The following KCNMA1 variants were observed in gnomAD, a reference collection of about 807,000 sequenced individuals.
KCNMA1 encodes the protein Calcium-activated potassium channel subunit alpha-1.
Under a neutral mutation model 140.0 loss-of-function variants are expected in KCNMA1, and 29 were observed. The ratio of observed to expected loss-of-function variants is 0.21; its 90% CI spans 0.15 to 0.28. The LOEUF is 0.28. KCNMA1 is among the 10% of genes least tolerant of loss of function. KCNMA1 has a pLI of 1.00. For synonymous variants in KCNMA1, 612 were observed against 611.9 expected (o/e 1.00, Z 0.00); for missense variants, 880 against 1,602.2 (o/e 0.55, Z 7.70).
At chr10:77,347,302 AT>A (rs1348717350) in intron 2 of KCNMA1, among the ~76,000 whole-genome samples, 2 of 152,232 alleles carry the variant, frequency 1.3e-5, no homozygotes, top group East Asian at 3.8e-4. Flanking sequence ...GGGTGTTACC[AT>A]CCCTATGTTA....
chr10:77,549,703 G>A (rs1009690908), intron 1 of KCNMA1, among the ~76,000 whole-genome samples: 5 of 152,130 alleles, frequency 3.3e-5, no homozygotes, highest in African/African-American at 4.8e-5. Flanking sequence ...TTTCAGTAAC[G>A]TCCTGTCTAA....
rs560026255 is a variant in KCNMA1 at position 76,992,050 on chromosome 10, T to C, written c.2266+9357A>G. On this transcript the variant is annotated intron_variant, in intron 19 of 27. Transcript: ENST00000286628. ...CAAAAGATTCCATTTTCTATTTGCA[T>C]AGGGTTTTCTCTGCAGCTCTAGGAA... is the stretch of plus-strand genomic sequence containing the variant. Among the ~76,000 whole-genome samples, 10 of 152,324 alleles carry C rather than the reference T, an allele frequency of 6.6e-5. No homozygotes were observed. The South Asian group carries it at 1.0e-3, about 16-fold the overall frequency.
chr10:77,410,648 C>T (rs946156582), intron 1 of KCNMA1, among the ~76,000 whole-genome samples: 18 of 152,244 alleles, frequency 1.2e-4, no homozygotes, highest in Non-Finnish European at 2.5e-4. Context: ...CAAGTGAAGT[C>T]TTCACACCCA....
chr10:77,450,520 C>T (rs1020286348), intron 1 of KCNMA1, among the ~76,000 whole-genome samples: 34 of 152,224 alleles, frequency 2.2e-4, no homozygotes, highest in South Asian at 1.0e-3. Context: ...TGCAGAATTA[C>T]AGACATTGCT....
chr10:77,199,159 A>C (rs1387447533), intron 3 of KCNMA1, among the ~76,000 whole-genome samples: 1 of 152,212 alleles, frequency 6.6e-6, no homozygotes. Context: ...TTATAGATTA[A>C]AAACTCAGAG....
intron 2 of KCNMA1, among the ~76,000 whole-genome samples, chr10:77,399,770 C>T (rs963763085): frequency 1.3e-5 from 2 of 152,194 alleles, no homozygotes; most frequent in African/African-American, 4.8e-5. Context: ...ATAATTCACA[C>T]CTGGATCTCT....
intron 19 of KCNMA1, among the ~76,000 whole-genome samples, chr10:76,996,642 G>A (rs1018635746): frequency 1.3e-5 from 2 of 152,096 alleles, no homozygotes; most frequent in East Asian, 1.9e-4. Flanking sequence ...ACATCAGCAC[G>A]GCAAGCATGG....
intron 23 of KCNMA1, among the ~76,000 whole-genome samples, chr10:76,923,372 T>TG (rs775079215): frequency 2.6e-4 from 39 of 148,090 alleles, no homozygotes; most frequent in Non-Finnish European, 4.1e-4. Flanking sequence ...GAGCTTGCAG[T>TG]GAGCTGAGAT....
intron 1 of KCNMA1, among the ~76,000 whole-genome samples, chr10:77,425,724 T>C (rs1205113177): frequency 2.0e-5 from 3 of 152,164 alleles, no homozygotes; most frequent in East Asian, 1.9e-4. Flanking sequence ...AGAGTCCTAA[T>C]GATTCTGGTA....
At chr10:76,976,857 G>A (rs2077721911) in intron 19 of KCNMA1, among the ~76,000 whole-genome samples, 1 of 152,148 alleles carries the variant, frequency 6.6e-6, no homozygotes, top group African/African-American at 2.4e-5. Flanking sequence ...TAGTTTCTTA[G>A]AGATGAGACA....
intron 1 of KCNMA1, among the ~76,000 whole-genome samples, chr10:77,497,785 G>T (rs939533348): frequency 6.6e-6 from 1 of 152,174 alleles, no homozygotes; most frequent in Non-Finnish European, 1.5e-5. Context: ...GGGGAATAAG[G>T]GAGAAAGTGG....
At chr10:77,516,504 C>T (rs887115054) in intron 1 of KCNMA1, among the ~76,000 whole-genome samples, 1 of 152,148 alleles carries the variant, frequency 6.6e-6, no homozygotes, top group Non-Finnish European at 1.5e-5. Flanking sequence ...GCAGTATGCC[C>T]GGTGCAGAGG....
chr10:77,444,754 C>G (rs977081599), intron 1 of KCNMA1, among the ~76,000 whole-genome samples: 1 of 152,156 alleles, frequency 6.6e-6, no homozygotes. Flanking sequence ...AGTGAACCTG[C>G]TGAGTCCCAG....
At chr10:76,966,823 T>C (rs1040025329) in intron 20 of KCNMA1, among the ~76,000 whole-genome samples, 2 of 152,190 alleles carry the variant, frequency 1.3e-5, no homozygotes, top group Non-Finnish European at 2.9e-5. Context: ...TCATTACACG[T>C]GTGTCCTCAG....
chr10:77,386,643 G>C (rs533926099), intron 2 of KCNMA1, among the ~76,000 whole-genome samples: 5 of 152,282 alleles, frequency 3.3e-5, no homozygotes, highest in Admixed American at 6.5e-5. Flanking sequence ...AGTTTTCCTT[G>C]TTATTTATCT....
At chr10:77,414,787 G>A (rs891507058) in intron 1 of KCNMA1, among the ~76,000 whole-genome samples, 3 of 152,182 alleles carry the variant, frequency 2.0e-5, no homozygotes, top group African/African-American at 7.2e-5. Flanking sequence ...ACCACGCCTG[G>A]CTGCAAGGTA....
intron 2 of KCNMA1, among the ~76,000 whole-genome samples, chr10:77,381,226 T>A (rs1441147828): frequency 6.6e-6 from 1 of 152,122 alleles, no homozygotes; most frequent in Non-Finnish European, 1.5e-5. Context: ...TGGAGTTAGT[T>A]TGGATTTTAG....
At chr10:77,239,024 T>A (rs773842874) in intron 3 of KCNMA1, among the ~76,000 whole-genome samples, 5 of 152,174 alleles carry the variant, frequency 3.3e-5, no homozygotes, top group Non-Finnish European at 7.3e-5. Flanking sequence ...AGCCGCCAAA[T>A]GCACCCTCCT....
At chr10:76,967,816 T>C (rs1473942015) in intron 20 of KCNMA1, among the ~76,000 whole-genome samples, 1 of 152,144 alleles carries the variant, frequency 6.6e-6, no homozygotes, top group Non-Finnish European at 1.5e-5. Context: ...ACTCACCACC[T>C]GACCCACGTT....
Sources: allele counts gnomAD v4.1 joint callset (sites outside exome capture counted in the v4.1 genomes callset), GRCh38; gene constraint gnomAD v4.1.1; transcripts MANE v1.5; gene names NCBI Gene and HGNC (gene_info 2026-07-23, HGNC 2026-07-21).